Variants in CHRM3 observed in about 807,000 individuals in gnomAD.
CHRM3 encodes muscarinic acetylcholine receptor M3.
In CHRM3, 11 loss-of-function variants were observed where a neutral mutation model predicts 41.8. That is an observed-to-expected ratio of 0.26 (90% CI 0.17 to 0.44). The LOEUF is 0.44. Ranked by LOEUF, CHRM3 falls within the 20% of genes least tolerant of loss-of-function variation. CHRM3 has a pLI of 1.00. For synonymous variants in CHRM3, 297 were observed against 301.4 expected, an observed-to-expected ratio of 0.99 and a Z score of 0.15; for missense variants, 571 against 745.4, an observed-to-expected ratio of 0.77 and a Z score of 2.72.
At chr1:239,827,037 G>A (rs1025576580) in intron 5 of CHRM3, 3 of 152,190 alleles carry the variant, frequency 2.0e-5, no homozygotes, top group African/African-American at 7.2e-5. Flanking sequence ...ACGCTGCAAA[G>A]TTACAAATTC....
intron 1 of CHRM3, among the ~76,000 whole-genome samples, chr1:239,432,302 C>A (rs568661088): frequency 6.6e-6 from 1 of 152,226 alleles, no homozygotes; most frequent in South Asian, 2.1e-4. Flanking sequence ...TTGTTGGTAA[C>A]TTCTCAGGGG....
chr1:239,615,672 C>G (rs1299311332), intron 3 of CHRM3, among the ~76,000 whole-genome samples: 1 of 152,124 alleles, frequency 6.6e-6, no homozygotes, highest in African/African-American at 2.4e-5. Flanking sequence ...CCAGTGATCT[C>G]CATCATCATA....
intron 2 of CHRM3, among the ~76,000 whole-genome samples, chr1:239,514,470 T>A (rs1445528787): frequency 6.6e-6 from 1 of 152,072 alleles, no homozygotes; most frequent in Non-Finnish European, 1.5e-5. Flanking sequence ...CTTTTATATA[T>A]TAATCTTATA....
At chr1:239,789,845 G>T (rs940443378) in intron 5 of CHRM3, among the ~76,000 whole-genome samples, 2 of 152,168 alleles carry the variant, frequency 1.3e-5, no homozygotes, top group Admixed American at 6.5e-5. Flanking sequence ...AGCCACACTG[G>T]ATAAGTGTGG....
Position 239,886,561 on chromosome 1 carries a change from A to C in CHRM3, c.-19-20872A>C, listed in dbSNP as rs142652185. 2.0e-5 allele frequency: 3 copies of C among 152,318 alleles called. No homozygotes were observed. In the East Asian group the frequency reaches 5.8e-4, roughly 29 times the overall value. 9.4% of individuals were successfully genotyped at this position (152,318 alleles called of 1,614,324 possible). ...GCCATGGAGAGCGTAACATCTGGTC[A>C]GAGGTTTTCCTTAAATAAATCATAT... On this transcript the variant is annotated intron_variant, in intron 6 of 6. Transcript: ENST00000676153.
At chr1:239,543,394 A>G (rs1302316077) in intron 2 of CHRM3, among the ~76,000 whole-genome samples, 2 of 152,158 alleles carry the variant, frequency 1.3e-5, no homozygotes, top group Non-Finnish European at 2.9e-5. Flanking sequence ...CTGTAAGGCC[A>G]GGGGTTCCCA....
intron 1 of CHRM3, among the ~76,000 whole-genome samples, chr1:239,473,652 T>C (rs1666280594): frequency 6.6e-6 from 1 of 152,152 alleles, no homozygotes; most frequent in African/African-American, 2.4e-5. Flanking sequence ...GAAAAGAAGA[T>C]AGGTAAACTG....
intron 2 of CHRM3, among the ~76,000 whole-genome samples, chr1:239,501,896 C>A (rs1232693018): frequency 6.6e-6 from 1 of 152,048 alleles, no homozygotes; most frequent in Non-Finnish European, 1.5e-5. Flanking sequence ...AATGACACAA[C>A]CTATCAAAAC....
At chr1:239,600,698 T>C (rs1665411253) in intron 3 of CHRM3, among the ~76,000 whole-genome samples, 1 of 151,088 alleles carries the variant, frequency 6.6e-6, no homozygotes, top group African/African-American at 2.4e-5. Context: ...TCTTCTCCCT[T>C]TCCTCCCCTT....
intron 3 of CHRM3, among the ~76,000 whole-genome samples, chr1:239,549,616 G>A (rs146937709): frequency 6.3e-4 from 93 of 146,778 alleles, no homozygotes; most frequent in African/African-American, 2.2e-3. Context: ...AGTTGAGATC[G>A]CACCACTGCA....
intron 2 of CHRM3, among the ~76,000 whole-genome samples, chr1:239,507,645 T>C (rs1668664762): frequency 6.6e-6 from 1 of 152,128 alleles, no homozygotes; most frequent in Admixed American, 6.5e-5. Flanking sequence ...GTACCTACTG[T>C]GTTATATTTT....
intron 4 of CHRM3, among the ~76,000 whole-genome samples, chr1:239,660,221 G>A (rs1673066951): frequency 6.6e-6 from 1 of 152,124 alleles, no homozygotes; most frequent in Non-Finnish European, 1.5e-5. Flanking sequence ...GGCCTCAAGT[G>A]ATCCTTCTAC....
chr1:239,538,977 C>G (rs1001798963), intron 2 of CHRM3, among the ~76,000 whole-genome samples: 2 of 152,132 alleles, frequency 1.3e-5, no homozygotes, highest in African/African-American at 4.8e-5. Flanking sequence ...AAAAAAGACT[C>G]TTCGTATAAC....
chr1:239,780,471 T>C (rs1202357642), intron 5 of CHRM3, among the ~76,000 whole-genome samples: 1 of 152,198 alleles, frequency 6.6e-6, no homozygotes, highest in Non-Finnish European at 1.5e-5. Flanking sequence ...AATCAGGTGG[T>C]TGGTTTTCTT....
intron 2 of CHRM3, among the ~76,000 whole-genome samples, chr1:239,503,105 A>C (rs1668349723): frequency 6.6e-6 from 1 of 152,214 alleles, no homozygotes; most frequent in East Asian, 1.9e-4. Context: ...AAAATGGTAA[A>C]GAGGAAGTCA....
chr1:239,638,464 G>A (rs1670729517), intron 4 of CHRM3, among the ~76,000 whole-genome samples: 1 of 152,132 alleles, frequency 6.6e-6, no homozygotes, highest in South Asian at 2.1e-4. Context: ...TCTAACTGGT[G>A]TGAGATGTTA....
At chr1:239,648,717 TGAGGCA>T (rs571682308) in intron 4 of CHRM3, among the ~76,000 whole-genome samples, 266 of 152,304 alleles carry the variant, frequency 1.7e-3, no homozygotes, top group African/African-American at 6.2e-3. Flanking sequence ...TGGAAAGAAC[TGAGGCA>T]GTGGAAGGGA....
intron 5 of CHRM3, among the ~76,000 whole-genome samples, chr1:239,729,286 A>C (rs371896477): frequency 2.0e-5 from 3 of 151,826 alleles, no homozygotes; most frequent in Admixed American, 6.6e-5. Context: ...GCACAGTGTG[A>C]TGTACACATA....
At chr1:239,635,010 T>A (rs917659033) in intron 4 of CHRM3, among the ~76,000 whole-genome samples, 3 of 152,238 alleles carry the variant, frequency 2.0e-5, no homozygotes, top group African/African-American at 7.2e-5. Context: ...TACTCTGATA[T>A]CTATTCAAAG....
Sources: allele counts gnomAD v4.1 joint callset (sites outside exome capture counted in the v4.1 genomes callset), GRCh38; gene constraint gnomAD v4.1.1; transcripts MANE v1.5; gene names NCBI Gene and HGNC (gene_info 2026-07-23, HGNC 2026-07-21).